Variants in STPG2 observed in about 807,000 individuals in gnomAD.
STPG2 encodes the protein sperm-tail PG-rich repeat-containing protein 2.
In STPG2, 56 loss-of-function variants were observed where a neutral mutation model predicts 54.2. That is an observed-to-expected ratio of 1.03 (90% CI 0.83 to 1.29). The LOEUF is 1.29. STPG2 is among the 50% of genes most tolerant of loss of function. The pLI is 0.00. For synonymous variants in STPG2, 200 were observed against 181.8 expected (o/e 1.10, Z -0.81); for missense variants, 596 against 544.9 (o/e 1.09, Z -0.93).
intron 10 of STPG2, among the ~76,000 whole-genome samples, chr4:97,567,447 TG>T (rs1732483304): frequency 6.7e-6 from 1 of 149,096 alleles, no homozygotes; most frequent in Admixed American, 6.7e-5. Flanking sequence ...TATATATATA[TG>T]TATATATATA....
At chr4:97,752,556 A>G (rs772907467) in intron 9 of STPG2, among the ~76,000 whole-genome samples, 44 of 151,856 alleles carry the variant, frequency 2.9e-4, no homozygotes, top group Admixed American at 7.2e-4. Context: ...ACAGGCACCC[A>G]ACTGCATAGA....
At chr4:97,680,975 T>C (rs1191317848) in intron 10 of STPG2, among the ~76,000 whole-genome samples, 2 of 152,030 alleles carry the variant, frequency 1.3e-5, no homozygotes, top group African/African-American at 4.8e-5. Context: ...CTAATTACTT[T>C]GAAAATTTAT....
intron 10 of STPG2, among the ~76,000 whole-genome samples, chr4:97,689,545 A>T (rs1219973309): frequency 6.6e-6 from 1 of 152,142 alleles, no homozygotes; most frequent in Non-Finnish European, 1.5e-5. Flanking sequence ...TTGACATTTT[A>T]TATGACTATT....
At chr4:97,594,611 C>T (rs541260618) in intron 10 of STPG2, among the ~76,000 whole-genome samples, 8 of 152,042 alleles carry the variant, frequency 5.3e-5, no homozygotes, top group African/African-American at 1.5e-4. Context: ...CCAACCTCAC[C>T]GGAAAAGCCA....
intron 5 of STPG2, among the ~76,000 whole-genome samples, chr4:98,087,509 A>G (rs1738555273): frequency 6.6e-6 from 1 of 151,584 alleles, no homozygotes; most frequent in South Asian, 2.1e-4. Flanking sequence ...TTCCTTTAAA[A>G]TTCAGATCAA....
At chr4:98,008,731 T>C (rs1050624347) in intron 5 of STPG2, among the ~76,000 whole-genome samples, 3 of 151,628 alleles carry the variant, frequency 2.0e-5, no homozygotes, top group Non-Finnish European at 4.4e-5. Flanking sequence ...GCCTCACATA[T>C]CAATTTTAAC....
intron 8 of STPG2, among the ~76,000 whole-genome samples, chr4:97,878,399 C>A (rs1730253213): frequency 6.6e-6 from 1 of 152,236 alleles, no homozygotes; most frequent in Non-Finnish European, 1.5e-5. Context: ...CTGCAGCAAA[C>A]TCTTGCCTGG....
At chr4:97,736,361 G>C (rs986347919) in intron 9 of STPG2, among the ~76,000 whole-genome samples, 2 of 152,142 alleles carry the variant, frequency 1.3e-5, no homozygotes, top group African/African-American at 4.8e-5. Flanking sequence ...GTGGGCGCAG[G>C]ACAGTGGGTG....
At chr4:97,628,371 A>C (rs755823218) in intron 10 of STPG2, among the ~76,000 whole-genome samples, 5 of 152,164 alleles carry the variant, frequency 3.3e-5, no homozygotes, top group Non-Finnish European at 7.4e-5. Flanking sequence ...GCTGTGCCAG[A>C]GTGAATAATT....
At chr4:97,629,620 CA>C (rs1721194908) in intron 10 of STPG2, among the ~76,000 whole-genome samples, 1 of 151,934 alleles carries the variant, frequency 6.6e-6, no homozygotes, top group Non-Finnish European at 1.5e-5. Context: ...TTAACTTTCA[CA>C]AAGTAGGTAT....
chr4:97,930,047 C>G (rs1445885622), intron 8 of STPG2, among the ~76,000 whole-genome samples: 2 of 152,066 alleles, frequency 1.3e-5, no homozygotes, highest in Non-Finnish European at 2.9e-5. Context: ...TACAGGCAAG[C>G]ACCACCACGC....
chr4:97,984,063 C>G (rs907090691), intron 5 of STPG2, among the ~76,000 whole-genome samples: 2 of 44,214 alleles, frequency 4.5e-5, no homozygotes, highest in Non-Finnish European at 1.2e-4. Context: ...TTTGCTCAAA[C>G]TTGTGATATT....
At chr4:97,737,178 C>A (rs1725033285) in intron 9 of STPG2, among the ~76,000 whole-genome samples, 1 of 152,182 alleles carries the variant, frequency 6.6e-6, no homozygotes, top group South Asian at 2.1e-4. Context: ...AACTAATGAA[C>A]AGAAAGGACA....
intron 8 of STPG2, among the ~76,000 whole-genome samples, chr4:97,906,086 T>C (rs1251043108): frequency 6.6e-6 from 1 of 152,098 alleles, no homozygotes. Context: ...AGCTGGTTTT[T>C]TGAAAGGATC....
intron 5 of STPG2, among the ~76,000 whole-genome samples, chr4:98,092,068 T>C (rs1054075206): frequency 2.6e-5 from 4 of 152,054 alleles, no homozygotes; most frequent in Non-Finnish European, 4.4e-5. Context: ...ACAAACTATT[T>C]TACAATAAGA....
At chr4:98,040,728 A>G (rs936659089) in intron 5 of STPG2, among the ~76,000 whole-genome samples, 1 of 151,658 alleles carries the variant, frequency 6.6e-6, no homozygotes, top group Non-Finnish European at 1.5e-5. Context: ...CCTTGTATTA[A>G]GACTATAATT....
chr4:98,075,285 C>T (rs1738126497), intron 5 of STPG2, among the ~76,000 whole-genome samples: 1 of 152,116 alleles, frequency 6.6e-6, no homozygotes, highest in Non-Finnish European at 1.5e-5. Context: ...AAACAAATGT[C>T]CCAAGGGGAA....
chr4:97,858,231 C>T (rs1729395111), intron 8 of STPG2, among the ~76,000 whole-genome samples: 1 of 151,920 alleles, frequency 6.6e-6, no homozygotes, highest in African/African-American at 2.4e-5. Context: ...ACAAACAAGA[C>T]TACCTCAAGT....
chr4:98,038,051 T>G (rs1238899131), intron 5 of STPG2, among the ~76,000 whole-genome samples: 1 of 152,096 alleles, frequency 6.6e-6, no homozygotes, highest in Non-Finnish European at 1.5e-5. Context: ...TTTTTTAATT[T>G]TTCTTTTAAG....
Sources: allele counts gnomAD v4.1 joint callset (sites outside exome capture counted in the v4.1 genomes callset), GRCh38; gene constraint gnomAD v4.1.1; transcripts MANE v1.5; gene names NCBI Gene and HGNC (gene_info 2026-07-23, HGNC 2026-07-21).